UGT1A1: variants seen among roughly 807,000 people sequenced by gnomAD.
The protein encoded by UGT1A1 is UDP glucuronosyltransferase family 1 member A1.
In UGT1A1, 33 loss-of-function variants were observed where a neutral mutation model predicts 40.6. The observed-to-expected ratio is 0.81, with a 90% CI of 0.62 to 1.09. The LOEUF (loss-of-function observed/expected upper bound fraction) is 1.09. UGT1A1 is among the 50% of genes least tolerant of loss of function. UGT1A1 has a pLI of 0.00. For missense variants in UGT1A1, 694 were observed against 671.2 expected, an observed-to-expected ratio of 1.03 and a Z score of -0.38; for synonymous variants, 249 against 265.0, an observed-to-expected ratio of 0.94 and a Z score of 0.59.
chr2:233,766,357 C>T (rs1461708777), intron 1 of UGT1A1, among the ~76,000 whole-genome samples: 1 of 152,122 alleles, frequency 6.6e-6, no homozygotes, highest in Non-Finnish European at 1.5e-5. Flanking sequence ...CCTGCCGGTG[C>T]CTGTTGGTGA....
chr2:233,768,017 T>G, intron 3 of UGT1A1, 81 bp downstream of exon 3: 1 of 1,613,870 alleles, frequency 6.2e-7, no homozygotes, highest in Admixed American at 1.7e-5. Flanking sequence ...TCTAAAGGAT[T>G]GTTGAGCTTG....
At chr2:233,766,928 C>A in intron 1 of UGT1A1, 106 bp from the exon 2 acceptor site, 12 of 1,578,030 alleles carry the variant, frequency 7.6e-6, no homozygotes, top group Non-Finnish European at 9.4e-6. Context: ...ACACGCATGC[C>A]TTTAATCATA....
chr2:233,772,501 G>A lies in UGT1A1; in HGVS notation c.1544G>A (p.Arg515Gln), dbSNP rs778667717. Residue 515 changes from arginine (R) to glutamine (Q), a missense_variant, in exon 5 of 5, where the codon CGG (arginine) becomes CAG (glutamine). Transcript: ENST00000305208. Reference protein sequence around the residue: ...ITFKCCAYGYRKCLGKKGRVK... With the variant: ...ITFKCCAYGYQKCLGKKGRVK... Reference sequence around the variant, plus strand: ...TTTAAATGTTGTGCTTATGGCTACCGGAAATGCTTGGGGAAAAAAGGGCGA... The same window carrying A: ...TTTAAATGTTGTGCTTATGGCTACCAGAAATGCTTGGGGAAAAAAGGGCGA... The A allele has an allele frequency of 1.8e-5, 29 of 1,614,036 alleles. No homozygotes were observed. The highest frequency in any genetic ancestry group is 5.5e-5 in the South Asian group (5 of 91,088).
Position 233,768,375 on chromosome 2 carries a change from A to C in UGT1A1, c.1240A>C (p.Asn414His). The change falls in exon 4 of 5, where the codon AAT becomes CAT. Residue 414 changes from asparagine to histidine, a missense_variant. Transcript: ENST00000305208. ...GACTAAGGGAGCTGGAGTGACCCTG[A>C]ATGTTCTGGAAATGACTTCTGAAGA... ...METKGAGVTL[N>H]VLEMTSEDLE... 1 of 1,614,190 alleles carries C rather than the reference A, an allele frequency of 6.2e-7. No individual in the cohort carries two copies. Among genetic ancestry groups the C allele is most frequent in the African/African-American group, 1.3e-5 (1 of 75,044 alleles).
At chr2:233,765,208 G>A (rs1325678271) in intron 1 of UGT1A1, among the ~76,000 whole-genome samples, 1 of 152,250 alleles carries the variant, frequency 6.6e-6, no homozygotes, top group South Asian at 2.1e-4. Flanking sequence ...AGTGCCCTCA[G>A]TATTCTTTGC....
Position 233,772,709 on chromosome 2 carries a change from TAAATAA to T in UGT1A1, c.*157_*162del. ...CCCAGAGTGCTTTAAAAAATTCTCT[TAAATAA>T]AAATAATAGACTCGCTAGTCAGTAA... On this transcript the variant is annotated 3_prime_UTR_variant, in exon 5 of 5. Coordinates refer to ENST00000305208, the MANE Select transcript of UGT1A1 (RefSeq NM_000463.3). 1 of 1,467,584 alleles carries T rather than the reference TAAATAA, an allele frequency of 6.8e-7. No individual in the cohort carries two copies. Among genetic ancestry groups the T allele is most frequent in the Non-Finnish European group, 9.0e-7 (1 of 1,115,204 alleles). 90.9% of individuals were successfully genotyped at this position (1,467,584 alleles called of 1,614,324 possible).
intron 3 of UGT1A1, 94 bp from the exon 4 acceptor site, chr2:233,768,126 C>T: frequency 6.2e-7 from 1 of 1,604,728 alleles, no homozygotes; most frequent in Non-Finnish European, 8.5e-7. Flanking sequence ...ATGTGAGTAA[C>T]ACTGAGTCTT....
intron 1 of UGT1A1, among the ~76,000 whole-genome samples, chr2:233,761,693 AG>A (rs1697839049): frequency 6.6e-6 from 1 of 152,260 alleles, no homozygotes; most frequent in African/African-American, 2.4e-5. Flanking sequence ...TGATACAGAA[AG>A]GTTGTAGGTT....
Position 233,768,224 on chromosome 2 carries a change from C to T in UGT1A1, c.1089C>T (p.His363=), listed in dbSNP as rs758090189. The change falls in exon 4 of 5, where the codon CAC becomes CAT. Residue 363 remains histidine (H), a synonymous_variant. Coordinates refer to ENST00000305208, the MANE Select transcript of UGT1A1 (RefSeq NM_000463.3). ...CCTCCCTATTTTGCATCTCAGGTCA[C>T]CCGATGACCCGTGCCTTTATCACCC... ...KWLPQNDLLG[H]PMTRAFITHA... is the part of the protein sequence containing the mutation. 13 of 1,614,174 alleles carry T rather than the reference C, an allele frequency of 8.1e-6. No individual in the cohort carries two copies. The highest frequency in any genetic ancestry group is 1.3e-5 in the African/African-American group (1 of 75,028).
At chr2:233,766,444 G>A (rs1260169711) in intron 1 of UGT1A1, among the ~76,000 whole-genome samples, 1 of 152,210 alleles carries the variant, frequency 6.6e-6, no homozygotes, top group African/African-American at 2.4e-5. Context: ...CTGTGTGTCT[G>A]CCTGCTAGGG....
chr2:233,771,905 G>A (rs1048759513), intron 4 of UGT1A1, among the ~76,000 whole-genome samples: 1 of 151,250 alleles, frequency 6.6e-6, no homozygotes, highest in Non-Finnish European at 1.5e-5. Flanking sequence ...CCTTTCAGGT[G>A]ATAATAGTAA....
Position 233,760,854 on chromosome 2 carries a change from A to G in UGT1A1, c.567A>G (p.Pro189=), listed in dbSNP as rs1484529222. 1 of 1,613,796 alleles carries G rather than the reference A, an allele frequency of 6.2e-7. No homozygotes were observed. The highest frequency in any genetic ancestry group is 8.5e-7 in the Non-Finnish European group (1 of 1,179,932). ...LEFEATQCPN[P]FSYVPRPLSS... ...TTGAGGCTACCCAGTGCCCCAACCCATTCTCCTACGTGCCCAGGCCTCTCT... is the reference window on the plus strand; with the variant it reads ...TTGAGGCTACCCAGTGCCCCAACCCGTTCTCCTACGTGCCCAGGCCTCTCT... The change falls in exon 1 of 5, where the codon CCA becomes CCG. Residue 189 remains proline (P), a synonymous_variant. Coordinates refer to ENST00000305208, the MANE Select transcript of UGT1A1 (RefSeq NM_000463.3).
At position 233,769,833 on chromosome 2, in the gene UGT1A1, G is replaced by A. The variant is rs567832844; in HGVS notation, c.1304+1394G>A. The A allele has an allele frequency of 4.3e-4, 293 of 685,174 alleles. No homozygotes were observed. The African/African-American group carries it at 5.2e-3, about 12-fold the overall frequency. The allele number at this position is 685,174 out of a possible 1,614,324, so 42.4% of individuals were successfully genotyped here. On this transcript the variant is annotated intron_variant, in intron 4 of 4. Coordinates refer to ENST00000305208, the MANE Select transcript of UGT1A1 (RefSeq NM_000463.3). The surrounding 1 kb of genome is among the most constrained non-coding windows in gnomAD (Gnocchi z 4.4). ...TCATGCCACTGCACTCCAGCAACCT[G>A]GGCAACAGAGTGAGACCCTGTCTCA...
At position 233,772,432 on chromosome 2, in the gene UGT1A1, T is replaced by C. The variant is rs771600393; in HGVS notation, c.1475T>C (p.Ile492Thr). 4.3e-6 allele frequency: 7 copies of C among 1,614,238 alleles called. No homozygotes were observed. Among genetic ancestry groups the C allele is most frequent in the Middle Eastern group, 1.6e-4 (1 of 6,062 alleles). Residue 492 changes from isoleucine to threonine, a missense_variant, in exon 5 of 5, where the codon ATT (isoleucine) becomes ACT (threonine). Physicochemically the swap from Ile to Thr is moderately conservative, Grantham distance 89 (BLOSUM62 -1). Coordinates refer to ENST00000305208, the MANE Select transcript of UGT1A1 (RefSeq NM_000463.3). ...TWYQYHSLDV[I>T]GFLLAVVLTV... Reference sequence around the variant, plus strand: ...TACCAGTACCATTCCTTGGACGTGATTGGTTTCCTCTTGGCCGTCGTGCTG... The same window carrying C: ...TACCAGTACCATTCCTTGGACGTGACTGGTTTCCTCTTGGCCGTCGTGCTG...
intron 1 of UGT1A1, among the ~76,000 whole-genome samples, chr2:233,763,758 G>C (rs1698394922): frequency 6.6e-6 from 1 of 152,148 alleles, no homozygotes; most frequent in South Asian, 2.1e-4. Flanking sequence ...TGTGTCTGAA[G>C]GAAAAGAGAT....
In UGT1A1 at chr2:233,760,308, C is replaced by A. The variant is rs780253764; in HGVS notation, c.21C>A (p.Gly7=). The A allele has an allele frequency of 4.3e-6, 7 of 1,613,678 alleles. No individual in the cohort carries two copies. Among genetic ancestry groups the A allele is most frequent in the South Asian group, 1.1e-5 (1 of 91,036 alleles). Residue 7 remains glycine (G), a synonymous_variant, in exon 1 of 5, where the codon GGC becomes GGA. Transcript: ENST00000305208. Reference sequence around the variant, plus strand: ...GCGCCATGGCTGTGGAGTCCCAGGGCGGACGCCCACTTGTCCTGGGCCTGC... The same window carrying A: ...GCGCCATGGCTGTGGAGTCCCAGGGAGGACGCCCACTTGTCCTGGGCCTGC... The part of the protein sequence containing the change: MAVESQ[G]GRPLVLGLLL...
At chr2:233,767,287 C>A in intron 2 of UGT1A1, 122 bp downstream of exon 2, 1 of 1,567,668 alleles carries the variant, frequency 6.4e-7, no homozygotes, top group East Asian at 2.3e-5. Flanking sequence ...CTGCCACTTC[C>A]CAACTATTAA....
In UGT1A1 at chr2:233,769,823, C is replaced by A. The variant is rs1252116472; in HGVS notation, c.1304+1384C>A. The A allele has an allele frequency of 4.0e-5, 32 of 804,912 alleles. No homozygotes were observed. Among genetic ancestry groups the A allele is most frequent in the Non-Finnish European group, 5.3e-5 (30 of 565,272 alleles). 49.9% of individuals were successfully genotyped at this position (804,912 alleles called of 1,614,324 possible). A position where few individuals can be genotyped will look rare whatever the true frequency, so the allele number is the denominator to read the frequency against. On this transcript the variant is annotated intron_variant, in intron 4 of 4. Transcript: ENST00000305208. The surrounding 1 kb of genome is among the most constrained non-coding windows in gnomAD (Gnocchi z 4.4). ...TGAGCCGTGATCATGCCACTGCACT[C>A]CAGCAACCTGGGCAACAGAGTGAGA...
chr2:233,769,450 T>C lies in UGT1A1; in HGVS notation c.1304+1011T>C, dbSNP rs1280911013. 7 of 1,587,838 alleles carry C rather than the reference T, an allele frequency of 4.4e-6. No individual in the cohort carries two copies. The East Asian group carries it at 1.6e-4, about 36-fold the overall frequency. On this transcript the variant is annotated intron_variant, in intron 4 of 4. Transcript: ENST00000305208. The surrounding 1 kb of genome is among the most constrained non-coding windows in gnomAD (Gnocchi z 4.4). ...CTGTGCTCATGTGTGGGTGCACACG[T>C]GTGCATTCATATGCGTGTGTGTGTG...
Sources: gnomAD v4.1 joint callset for allele counts (sites outside exome capture counted in the v4.1 genomes callset) on GRCh38, gnomAD v4.1.1 for gene constraint, Gnocchi (gnomAD v3.1) non-coding constraint, MANE v1.5 for transcripts, NCBI Gene and HGNC (gene_info 2026-07-23, HGNC 2026-07-21) for gene names.